Variants in PSKH2 observed in about 807,000 individuals in gnomAD.
PSKH2 encodes the protein protein serine kinase H2.
Under a neutral mutation model 22.5 loss-of-function variants are expected in PSKH2, and 16 were observed. The observed-to-expected ratio is 0.71, with a 90% CI of 0.48 to 1.08. The LOEUF (loss-of-function observed/expected upper bound fraction) is 1.08. PSKH2 is among the 50% of genes least tolerant of loss of function. The pLI, the probability that PSKH2 is intolerant of heterozygous loss-of-function variation, is 0.00. For synonymous variants in PSKH2, 188 were observed against 184.8 expected, an observed-to-expected ratio of 1.02 and a Z score of -0.14; for missense variants, 516 against 492.8, an observed-to-expected ratio of 1.05 and a Z score of -0.44.
In PSKH2 at chr8:86,048,638, A is replaced by G; in HGVS notation, c.982T>C (p.Ser328Pro). Residue 328 changes from serine (S) to proline (P), a missense_variant, in exon 3 of 3, where the codon TCC (serine) becomes CCC (proline). Ser to Pro is a moderately conservative substitution (Grantham distance 74). Coordinates refer to ENST00000276616, the MANE Select transcript of PSKH2 (RefSeq NM_033126.3). Reference sequence around the variant, plus strand: ...ATGGCCCTCTGGAGATTCTTCATGGAAGACCCTGCAGCCATGGTGATCACC... The same window carrying G: ...ATGGCCCTCTGGAGATTCTTCATGGGAGACCCTGCAGCCATGGTGATCACC... ...PWVITMAAGSSMKNLQRAISR... is the reference protein window; with the variant it reads ...PWVITMAAGSPMKNLQRAISR... 6.2e-7 allele frequency: 1 copy of G among 1,614,092 alleles called. No homozygotes were observed. Among genetic ancestry groups the G allele is most frequent in the Non-Finnish European group, 8.5e-7 (1 of 1,180,016 alleles).
intron 2 of PSKH2, among the ~76,000 whole-genome samples, chr8:86,061,778 A>G (rs1488464046): frequency 6.6e-6 from 1 of 152,160 alleles, no homozygotes; most frequent in African/African-American, 2.4e-5. Flanking sequence ...CCTCGTGGAT[A>G]TTCCATCCCA....
At chr8:86,059,781 C>A (rs1046293036) in intron 2 of PSKH2, among the ~76,000 whole-genome samples, 1 of 152,202 alleles carries the variant, frequency 6.6e-6, no homozygotes, top group Non-Finnish European at 1.5e-5. Context: ...TCTACCACAT[C>A]TATGCTTCCA....
rs140592507 is a variant in PSKH2, at chr8:86,069,468, C to G, written c.155G>C (p.Arg52Pro). 257 of 1,599,628 alleles carry G rather than the reference C, an allele frequency of 1.6e-4. 1 individual carries two copies. In the Middle Eastern group the frequency reaches 2.2e-3, roughly 13 times the overall value. The part of the protein sequence containing the change: ...AAQRIQVARF[R>P]AKFDPRVLAR... ...AAGGACCCGGGGGTCGAACTTGGCT[C>G]GGAAGCGAGCCACCTGTATCCTCTG... Residue 52 changes from arginine (R) to proline (P), a missense_variant, in exon 1 of 3, where the codon CGA becomes CCA. Transcript: ENST00000276616.
At chr8:86,058,086 C>T (rs1437144203) in intron 2 of PSKH2, among the ~76,000 whole-genome samples, 2 of 152,144 alleles carry the variant, frequency 1.3e-5, no homozygotes, top group African/African-American at 4.8e-5. Flanking sequence ...GAGTCCTTTA[C>T]TTAGCGTCTC....
intron 2 of PSKH2, among the ~76,000 whole-genome samples, chr8:86,062,498 C>T (rs553931939): frequency 3.9e-5 from 6 of 152,126 alleles, no homozygotes; most frequent in Non-Finnish European, 5.9e-5. Context: ...AGGAGGGGAA[C>T]GAAGTGGAGG....
At chr8:86,049,922 C>A (rs1586056759) in intron 2 of PSKH2, among the ~76,000 whole-genome samples, 2 of 152,062 alleles carry the variant, frequency 1.3e-5, no homozygotes, top group Non-Finnish European at 2.9e-5. Flanking sequence ...CTTCCTCAAA[C>A]ACACTGGGCC....
chr8:86,057,555 T>C (rs1033558601), intron 2 of PSKH2, among the ~76,000 whole-genome samples: 3 of 151,804 alleles, frequency 2.0e-5, no homozygotes, highest in African/African-American at 4.8e-5. Context: ...CCCAGCTAAT[T>C]TTTGTATTTT....
intron 2 of PSKH2, among the ~76,000 whole-genome samples, chr8:86,060,640 C>T (rs970137905): frequency 6.6e-6 from 1 of 152,112 alleles, no homozygotes; most frequent in Admixed American, 6.6e-5. Flanking sequence ...AGCCACCAAA[C>T]CTGTGTTATT....
At chr8:86,050,506 C>G (rs1004449197) in intron 2 of PSKH2, among the ~76,000 whole-genome samples, 7 of 152,172 alleles carry the variant, frequency 4.6e-5, no homozygotes, top group Non-Finnish European at 7.4e-5. Context: ...CAGCCCAGAC[C>G]TAAGAGCACA....
chr8:86,056,731 A>G (rs1043352516), intron 2 of PSKH2, among the ~76,000 whole-genome samples: 1 of 152,156 alleles, frequency 6.6e-6, no homozygotes, highest in Non-Finnish European at 1.5e-5. Context: ...ACCTACATCT[A>G]TTAGCTTATT....
intron 2 of PSKH2, among the ~76,000 whole-genome samples, chr8:86,053,781 C>G (rs1467013072): frequency 2.0e-5 from 3 of 152,122 alleles, no homozygotes; most frequent in Admixed American, 2.0e-4. Context: ...GTGGCTCATG[C>G]CTGCAATCCC....
At chr8:86,058,666 C>T (rs894245695) in intron 2 of PSKH2, among the ~76,000 whole-genome samples, 3 of 151,966 alleles carry the variant, frequency 2.0e-5, no homozygotes, top group Non-Finnish European at 2.9e-5. Context: ...TGAAATTAAT[C>T]GTAATTCTAA....
chr8:86,049,688 AAGAAAGAAAGAAAG>A (rs1817586089), intron 2 of PSKH2, among the ~76,000 whole-genome samples: 1 of 11,950 alleles, frequency 8.4e-5, no homozygotes, highest in Non-Finnish European at 1.9e-4. Flanking sequence ...GAAAGAAAGA[AAGAAAGAAAGAAAG>A]AAAGAAAGAA....
At position 86,050,593 on chromosome 8, in the gene PSKH2, T is replaced by C. The variant is rs538650672; in HGVS notation, c.853-1826A>G. On this transcript the variant is annotated intron_variant, in intron 2 of 2. Coordinates refer to ENST00000276616, the MANE Select transcript of PSKH2 (RefSeq NM_033126.3). ...TGATCAGACAAGCTCTTAAAAACTA[T>C]ATTTTGTGCCTCAGCCTCATCCTGT... is the stretch of plus-strand genomic sequence containing the variant. 1.9e-4 allele frequency among the ~76,000 whole-genome samples: 29 copies of C among 152,332 alleles called. No homozygotes were observed. The East Asian group carries it at 5.4e-3, about 28-fold the overall frequency.
In PSKH2 at chr8:86,048,411, C is replaced by A; in HGVS notation, c.*51G>T. 1 of 1,424,966 alleles carries A rather than the reference C, an allele frequency of 7.0e-7. No homozygotes were observed. The highest frequency in any genetic ancestry group is 1.3e-5 in the South Asian group (1 of 79,810). 88.3% of individuals were successfully genotyped at this position (1,424,966 alleles called of 1,614,324 possible). On this transcript the variant is annotated 3_prime_UTR_variant, in exon 3 of 3. Transcript: ENST00000276616. Reference sequence around the variant, plus strand: ...CTTTGGAGCTTGAGGGTGCCCTAATCATGATGAAATGGTCCTAAAATAGGC... The same window carrying A: ...CTTTGGAGCTTGAGGGTGCCCTAATAATGATGAAATGGTCCTAAAATAGGC...
chr8:86,067,162 A>T (rs1817877175), intron 1 of PSKH2, among the ~76,000 whole-genome samples: 1 of 152,156 alleles, frequency 6.6e-6, no homozygotes, highest in Non-Finnish European at 1.5e-5. Context: ...CCAATATTTG[A>T]AAAAATGCTA....
chr8:86,050,443 A>G (rs1321347699), intron 2 of PSKH2, among the ~76,000 whole-genome samples: 4 of 152,180 alleles, frequency 2.6e-5, no homozygotes, highest in Admixed American at 1.3e-4. Context: ...GCCAATCACT[A>G]ATCAATGTTA....
chr8:86,049,675 GAAGAAAGA>G (rs1156489675), intron 2 of PSKH2, among the ~76,000 whole-genome samples: 1,529 of 105,950 alleles, frequency 0.014, 41 homozygotes, highest in African/African-American at 0.016. Context: ...GAGTGAGAAA[GAAGAAAGA>G]AAGAAAGAAA....
Position 86,064,334 on chromosome 8 carries a change from G to A in PSKH2, c.483C>T (p.Val161=). Reference sequence around the variant, plus strand: ...CATCAGCAACCATCTGGAGGATCCTGACGGCATCCCGCTCTGTAAAGGATC... The same window carrying A: ...CATCAGCAACCATCTGGAGGATCCTAACGGCATCCCGCTCTGTAAAGGATC... The part of the protein sequence containing the change: ...AQGSFTERDA[V]RILQMVADGI... Residue 161 remains valine (V), a synonymous_variant, in exon 2 of 3, where the codon GTC becomes GTT. Coordinates refer to ENST00000276616, the MANE Select transcript of PSKH2 (RefSeq NM_033126.3). 6.2e-7 allele frequency: 1 copy of A among 1,614,132 alleles called. No individual in the cohort carries two copies. Among genetic ancestry groups the A allele is most frequent in the Non-Finnish European group, 8.5e-7 (1 of 1,180,034 alleles).
Sources: gnomAD v4.1 joint callset for allele counts (sites outside exome capture counted in the v4.1 genomes callset) on GRCh38, gnomAD v4.1.1 for gene constraint, MANE v1.5 for transcripts, NCBI Gene and HGNC (gene_info 2026-07-23, HGNC 2026-07-21) for gene names.